PPP2R3B: variants seen among roughly 807,000 people sequenced by gnomAD.
The protein encoded by PPP2R3B is protein phosphatase 2 regulatory subunit B''beta, also known as serine/threonine-protein phosphatase 2A regulatory subunit B'' subunit beta.
PPP2R3B carries 68 observed loss-of-function variants against 72.9 expected under a neutral mutation model. The observed-to-expected ratio is 0.93, with a 90% CI of 0.77 to 1.14. The LOEUF is 1.14. Among genes scored for constraint, PPP2R3B ranks in the 50% most tolerant of loss-of-function variants. The pLI is 0.00. For missense variants in PPP2R3B, 1,018 were observed against 842.0 expected (o/e 1.21, Z -2.59); for synonymous variants, 466 against 375.8 (o/e 1.24, Z -2.78).
intron 2 of PPP2R3B, among the ~76,000 whole-genome samples, chrX:358,128 C>G (rs892889070): frequency 7.9e-5 from 12 of 152,226 alleles, no homozygotes; most frequent in African/African-American, 1.7e-4. Flanking sequence ...GGCAGTGACA[C>G]CCCTACTCGT....
chrX:363,559 CATCTCCATGAGT>C (rs1302556942), intron 1 of PPP2R3B, among the ~76,000 whole-genome samples: 32 of 146,888 alleles, frequency 2.2e-4, no homozygotes, highest in East Asian at 4.1e-4. Flanking sequence ...TCCCGCAGTG[CATCTCCATGAGT>C]CCACGATCCC....
chrX:373,537 G>T, intron 1 of PPP2R3B: 1 of 222,400 alleles, frequency 4.5e-6, no homozygotes, highest in Admixed American at 4.6e-5. Context: ...CTGACCTGCT[G>T]GAAGGCCTTC....
In PPP2R3B at chrX:386,388, T is replaced by A. The variant is rs1457864571; in HGVS notation, c.304A>T (p.Arg102Ter). The A allele has an allele frequency of 1.5e-6, 2 of 1,320,122 alleles. No homozygotes were observed. Among genetic ancestry groups the A allele is most frequent in the Non-Finnish European group, 1.9e-6 (2 of 1,029,238 alleles). 81.8% of individuals were successfully genotyped at this position (1,320,122 alleles called of 1,614,324 possible). A position where few individuals can be genotyped will look rare whatever the true frequency, so the allele number is the denominator to read the frequency against. The change falls in exon 1 of 13, where the codon AGA becomes TGA. Residue 102 changes from arginine to a stop codon, truncating the protein, a stop_gained. Transcript: ENST00000390665. LOFTEE classifies it high-confidence loss of function. Reference protein sequence around the residue: ...RNAPHVRGTRRSAGTRVVQTR... With the variant: ...RNAPHVRGTR ...CTTACTACTCTCGTCCCTGCGGATC[T>A]ACGGGTGCCTCGAACGTGGGGCGCG...
At position 361,717 on chromosome X, in the gene PPP2R3B, A is replaced by G. The variant is rs1272581563; in HGVS notation, c.325-127T>C. The G allele has an allele frequency of 2.9e-6, 3 of 1,050,018 alleles. No individual in the cohort carries two copies. The African/African-American group carries it at 4.8e-5, about 17-fold the overall frequency. The allele number at this position is 1,050,018 out of a possible 1,614,324, so 65.0% of individuals were successfully genotyped here. On this transcript the variant is annotated intron_variant, in intron 1 of 12. Transcript: ENST00000390665. ...GCCACCTGATCCCAGCCGGGAGAGG[A>G]CACACTGCAATCCCTGCGGGGGACC...
chrX:376,447 C>CGCCATGGGGCTGTCT (rs1569416396), intron 1 of PPP2R3B, among the ~76,000 whole-genome samples: 1 of 147,500 alleles, frequency 6.8e-6, no homozygotes, highest in African/African-American at 2.6e-5. Context: ...CCCATGGGGC[C>CGCCATGGGGCTGTCT]ATCCACTACC....
chrX:341,037 C>A, intron 9 of PPP2R3B, 97 bp from the exon 10 acceptor site: 2 of 1,501,954 alleles, frequency 1.3e-6, no homozygotes, highest in Non-Finnish European at 1.8e-6. Flanking sequence ...GCACGCGTCC[C>A]CGCTGTGCCT....
rs1422943854 is a variant in PPP2R3B, at chrX:341,876, T to TA, written c.1085+6dup. 1 of 1,612,632 alleles carries TA rather than the reference T, an allele frequency of 6.2e-7. No individual in the cohort carries two copies. Among genetic ancestry groups the TA allele is most frequent in the East Asian group, 2.2e-5 (1 of 44,886 alleles). Reference sequence around the variant, plus strand: ...TGGCTGCCGTCAGGCGCCTGAGCCGTACGTACCGTGTGACTGCTCCTGAGA... The same window carrying TA: ...TGGCTGCCGTCAGGCGCCTGAGCCGTAACGTACCGTGTGACTGCTCCTGAGA... On this transcript the variant is annotated splice_region_variant and intron_variant, in intron 8 of 12. Transcript: ENST00000390665.
Position 347,311 on chromosome X carries a change from C to A in PPP2R3B, c.640G>T (p.Ala214Ser). Reference protein sequence around the residue: ...RKILQNCHDDAAKFVHLLMSP... With the variant: ...RKILQNCHDDSAKFVHLLMSP... ...ATGAGCAGATGGACGAACTTGGCCGCGTCGTCGTGGCAGTTCTGGAGGATT... is the reference window on the plus strand; with the variant it reads ...ATGAGCAGATGGACGAACTTGGCCGAGTCGTCGTGGCAGTTCTGGAGGATT... Residue 214 changes from alanine (A) to serine (S), a missense_variant, in exon 4 of 13, where the codon GCG (alanine) becomes TCG (serine). Physicochemically the swap from Ala to Ser is moderately conservative, Grantham distance 99. Coordinates refer to ENST00000390665, the MANE Select transcript of PPP2R3B (RefSeq NM_013239.5). 2 of 1,613,756 alleles carry A rather than the reference C, an allele frequency of 1.2e-6. No individual in the cohort carries two copies. The highest frequency in any genetic ancestry group is 1.7e-6 in the Non-Finnish European group (2 of 1,179,762).
At chrX:368,629 C>T (rs2071783283) in intron 1 of PPP2R3B, among the ~76,000 whole-genome samples, 1 of 102,580 alleles carries the variant, frequency 9.7e-6, no homozygotes, top group Non-Finnish European at 2.0e-5. Flanking sequence ...ACCCTGGGCA[C>T]CGACGGGGGG....
chrX:346,764 G>A lies in PPP2R3B; in HGVS notation c.729C>T (p.Asn243=), dbSNP rs1473371920. Residue 243 remains asparagine, a synonymous_variant, in exon 5 of 13, where the codon AAC becomes AAT. Transcript: ENST00000390665. The stretch of plus-strand genomic sequence containing the variant: ...TCAGGAACGACAGCCCCGGGTGCGT[G>A]TTCACCACGTCCTGCGGGTGGGAAG... ...DFVPFLQDVV[N]THPGLSFLKE... The A allele has an allele frequency of 1.2e-6, 2 of 1,609,846 alleles. No homozygotes were observed. Among genetic ancestry groups the A allele is most frequent in the Non-Finnish European group, 1.7e-6 (2 of 1,178,434 alleles).
chrX:363,545 GC>G (rs2071601300), intron 1 of PPP2R3B, among the ~76,000 whole-genome samples: 1 of 3,054 alleles, frequency 3.3e-4, no homozygotes, highest in Non-Finnish European at 8.4e-4. Context: ...CCCCGAGCCC[GC>G]GATCCCGCAG....
chrX:376,253 C>A (rs963781641), intron 1 of PPP2R3B, among the ~76,000 whole-genome samples: 22 of 151,884 alleles, frequency 1.4e-4, no homozygotes, highest in African/African-American at 4.6e-4. Context: ...GAAGTGCACA[C>A]ATAGGCAGAG....
At chrX:354,345 C>T (rs940885838) in intron 2 of PPP2R3B, among the ~76,000 whole-genome samples, 12 of 149,620 alleles carry the variant, frequency 8.0e-5, no homozygotes, top group African/African-American at 1.7e-4. Context: ...TGACCACAGA[C>T]GCTACCCCTG....
At chrX:373,747 G>T (rs1223245046) in intron 1 of PPP2R3B, 2 of 148,434 alleles carry the variant, frequency 1.3e-5, no homozygotes, top group Non-Finnish European at 3.0e-5. Flanking sequence ...CGCTGCAGGC[G>T]TGGCCCGGGC....
intron 1 of PPP2R3B, among the ~76,000 whole-genome samples, chrX:374,903 C>T (rs957488513): frequency 6.6e-6 from 1 of 152,134 alleles, no homozygotes; most frequent in Non-Finnish European, 1.5e-5. Context: ...GTGGCACTGA[C>T]GCACCCAACC....
rs866209233 is a variant in PPP2R3B at position 341,043 on chromosome X, T to A, written c.1176-103A>T. ...ACCGGGGGTGCACGCGTCCCCGCTG[T>A]GCCTTGCAGCCCCCACCGGGCGTGC... On this transcript the variant is annotated intron_variant, in intron 9 of 12. Transcript: ENST00000390665. 37 of 1,453,170 alleles carry A rather than the reference T, an allele frequency of 2.5e-5. No individual in the cohort carries two copies. In the African/African-American group the frequency reaches 5.3e-4, roughly 21 times the overall value. The allele number at this position is 1,453,170 out of a possible 1,614,324, so 90.0% of individuals were successfully genotyped here.
intron 1 of PPP2R3B, among the ~76,000 whole-genome samples, chrX:381,840 C>T (rs1360501193): frequency 3.3e-5 from 5 of 151,992 alleles, no homozygotes; most frequent in Admixed American, 6.6e-5. Context: ...CCTTGTGATC[C>T]GCCCGCCTCG....
intron 8 of PPP2R3B, 131 bp from the exon 9 acceptor site, chrX:341,527 C>T (rs2071076854): frequency 3.4e-6 from 3 of 873,306 alleles, no homozygotes; most frequent in Admixed American, 2.0e-5. Flanking sequence ...CCCCTCCTGC[C>T]CCTCCTCCTG....
intron 1 of PPP2R3B, among the ~76,000 whole-genome samples, chrX:376,351 A>G (rs1269897513): frequency 6.6e-6 from 1 of 152,194 alleles, no homozygotes; most frequent in Non-Finnish European, 1.5e-5. Context: ...CCCGATGCAG[A>G]ACCCGCACCA....
Sources: allele counts gnomAD v4.1 joint callset (sites outside exome capture counted in the v4.1 genomes callset), GRCh38; gene constraint gnomAD v4.1.1; transcripts MANE v1.5; gene names NCBI Gene and HGNC (gene_info 2026-07-23, HGNC 2026-07-21).